Variants in NPAS3 observed in about 807,000 individuals in gnomAD.
NPAS3 encodes the protein neuronal PAS domain protein 3, also known as neuronal PAS domain-containing protein 3.
NPAS3 carries 14 observed loss-of-function variants against 73.1 expected under a neutral mutation model. That is an observed-to-expected ratio of 0.19 (90% CI 0.13 to 0.30). NPAS3 has a LOEUF of 0.30. Ranked by LOEUF, NPAS3 falls within the 10% of genes least tolerant of loss-of-function variation. NPAS3 has a pLI of 1.00. For missense variants in NPAS3, 1,096 were observed against 1,250.0 expected (o/e 0.88, Z 1.86); for synonymous variants, 620 against 541.5 (o/e 1.14, Z -2.01).
intron 4 of NPAS3, among the ~76,000 whole-genome samples, chr14:33,446,186 T>TTG (rs2049489482): frequency 7.1e-6 from 1 of 140,350 alleles, no homozygotes; most frequent in South Asian, 2.2e-4. Flanking sequence ...TTTTTTTTTT[T>TTG]GAGACGGAGT....
intron 6 of NPAS3, among the ~76,000 whole-genome samples, chr14:33,692,405 A>C (rs1465339638): frequency 6.6e-6 from 1 of 152,170 alleles, no homozygotes; most frequent in Non-Finnish European, 1.5e-5. Context: ...GGATACCAAA[A>C]GAGGTTTTTA....
intron 2 of NPAS3, among the ~76,000 whole-genome samples, chr14:33,209,141 C>CT (rs1379668205): frequency 6.6e-6 from 1 of 152,086 alleles, no homozygotes; most frequent in Non-Finnish European, 1.5e-5. Flanking sequence ...AAATTATTAT[C>CT]TTTTTTGGAG....
chr14:32,942,415 A>G (rs1283692993), intron 1 of NPAS3, among the ~76,000 whole-genome samples: 3 of 152,218 alleles, frequency 2.0e-5, no homozygotes, highest in Non-Finnish European at 4.4e-5. Flanking sequence ...TTTGGTTACT[A>G]TTTAGTGCTC....
At chr14:33,390,042 TA>T (rs5807724) in intron 4 of NPAS3, among the ~76,000 whole-genome samples, 83,990 of 151,696 alleles carry the variant, frequency 0.55, 23,535 homozygotes, top group East Asian at 0.69. Context: ...TGATTTGTGT[TA>T]AAAAAAAGAG....
chr14:33,212,137 GA>G (rs1414112108), intron 2 of NPAS3, among the ~76,000 whole-genome samples: 2 of 152,188 alleles, frequency 1.3e-5, no homozygotes, highest in African/African-American at 4.8e-5. Context: ...ATAAGCGAGT[GA>G]AAGATTAATG....
At chr14:33,723,312 T>C in intron 6 of NPAS3, among the ~76,000 whole-genome samples, 1 of 152,164 alleles carries the variant, frequency 6.6e-6, no homozygotes, top group East Asian at 1.9e-4. Context: ...ACATTAAATC[T>C]TTATTCTTCT....
At chr14:33,665,994 G>T (rs1384960911) in intron 5 of NPAS3, among the ~76,000 whole-genome samples, 1 of 152,108 alleles carries the variant, frequency 6.6e-6, no homozygotes, top group Non-Finnish European at 1.5e-5. Flanking sequence ...AATTATCTAG[G>T]CCTATGTCTA....
exon 8 of NPAS3, chr14:33,774,396 C>T: frequency 6.2e-7 from 1 of 1,614,104 alleles, no homozygotes; most frequent in Non-Finnish European, 8.5e-7. Flanking sequence ...GGAGGACCGT[C>T]CCCAGCCAAA....
chr14:33,636,041 C>T (rs1017789489), intron 5 of NPAS3, among the ~76,000 whole-genome samples: 2 of 152,212 alleles, frequency 1.3e-5, no homozygotes, highest in African/African-American at 4.8e-5. Context: ...CCTGCTTAGC[C>T]TCCCGAGTAG....
intron 2 of NPAS3, among the ~76,000 whole-genome samples, chr14:33,154,758 G>A (rs1243061665): frequency 6.6e-6 from 1 of 152,242 alleles, no homozygotes; most frequent in East Asian, 1.9e-4. Flanking sequence ...ATGACAATTA[G>A]TTACATGAAA....
At chr14:33,012,611 C>T (rs527343865) in intron 1 of NPAS3, among the ~76,000 whole-genome samples, 3 of 151,492 alleles carry the variant, frequency 2.0e-5, no homozygotes, top group East Asian at 2.0e-4. Context: ...TACAGTGGCG[C>T]GATCTCGGCT....
chr14:33,174,674 T>C (rs1404283100), intron 2 of NPAS3, among the ~76,000 whole-genome samples: 1 of 152,214 alleles, frequency 6.6e-6, no homozygotes, highest in Non-Finnish European at 1.5e-5. Flanking sequence ...TCTCCACACC[T>C]GATCTTTAGA....
intron 5 of NPAS3, among the ~76,000 whole-genome samples, chr14:33,652,083 C>CA (rs1433996626): frequency 1.3e-5 from 2 of 152,126 alleles, no homozygotes; most frequent in African/African-American, 4.8e-5. Flanking sequence ...GCTTTGGAGA[C>CA]ATTCATGCTA....
intron 3 of NPAS3, among the ~76,000 whole-genome samples, chr14:33,325,089 G>C (rs181331295): frequency 8.6e-4 from 131 of 152,224 alleles, no homozygotes; most frequent in African/African-American, 2.9e-3. Flanking sequence ...ACTATATACT[G>C]GTATGTGGAT....
At chr14:33,722,366 G>T (rs1429306693) in intron 6 of NPAS3, among the ~76,000 whole-genome samples, 1 of 151,980 alleles carries the variant, frequency 6.6e-6, no homozygotes, top group East Asian at 1.9e-4. Context: ...GGAAAGGGGG[G>T]GTAATTCTAG....
At chr14:33,540,543 C>T (rs548448008) in intron 4 of NPAS3, among the ~76,000 whole-genome samples, 131 of 152,242 alleles carry the variant, frequency 8.6e-4, no homozygotes, top group Non-Finnish European at 1.6e-3. Context: ...TTAACTTATT[C>T]CTGGCTACAA....
intron 3 of NPAS3, among the ~76,000 whole-genome samples, chr14:33,263,216 T>TAA (rs2049038636): frequency 6.6e-6 from 1 of 152,024 alleles, no homozygotes; most frequent in African/African-American, 2.4e-5. Flanking sequence ...CTGAATGGTA[T>TAA]TGCCTAGGTT....
At chr14:33,127,102 A>AAT (rs397852552) in intron 2 of NPAS3, among the ~76,000 whole-genome samples, 4 of 150,938 alleles carry the variant, frequency 2.7e-5, no homozygotes, top group African/African-American at 9.7e-5. Flanking sequence ...AAAAAAAAAA[A>AAT]CTCTAAATAA....
At chr14:32,948,195 A>C (rs990183495) in intron 1 of NPAS3, among the ~76,000 whole-genome samples, 1 of 152,174 alleles carries the variant, frequency 6.6e-6, no homozygotes, top group Non-Finnish European at 1.5e-5. Context: ...AGATTATCCA[A>C]AGGAAGTTAA....
Sources: allele counts gnomAD v4.1 joint callset (sites outside exome capture counted in the v4.1 genomes callset), GRCh38; gene constraint gnomAD v4.1.1; transcripts MANE v1.5; gene names NCBI Gene and HGNC (gene_info 2026-07-23, HGNC 2026-07-21).